VPS13D: variants seen among roughly 807,000 people sequenced by gnomAD.
VPS13D encodes the protein vacuolar protein sorting 13 homolog D.
Under a neutral mutation model 461.9 loss-of-function variants are expected in VPS13D, and 187 were observed. The ratio of observed to expected loss-of-function variants is 0.40; its 90% confidence interval spans 0.36 to 0.46. VPS13D has a LOEUF of 0.46. Among genes scored for constraint, VPS13D ranks in the 20% least tolerant of loss-of-function variants. The pLI, the probability that VPS13D is intolerant of heterozygous loss-of-function variation, is 0.60. For missense variants in VPS13D, 4,711 were observed against 5,364.9 expected, an observed-to-expected ratio of 0.88 and a Z score of 3.81; for synonymous variants, 1,951 against 1,986.3, an observed-to-expected ratio of 0.98 and a Z score of 0.47.
intron 67 of VPS13D, chr1:12,464,973 C>T (rs1645462951): frequency 6.6e-6 from 1 of 152,206 alleles, no homozygotes. Flanking sequence ...GCCACTGAAG[C>T]TATGTGAAGA....
intron 62 of VPS13D, among the ~76,000 whole-genome samples, chr1:12,402,182 C>T (rs184550111): frequency 6.6e-6 from 1 of 152,256 alleles, no homozygotes; most frequent in Admixed American, 6.5e-5. Flanking sequence ...ACATCCAAAC[C>T]CTTGTGCCTT....
At chr1:12,406,007 C>T (rs367621305) in intron 63 of VPS13D, among the ~76,000 whole-genome samples, 5 of 152,066 alleles carry the variant, frequency 3.3e-5, no homozygotes, top group East Asian at 1.9e-4. Flanking sequence ...ATACAATCAA[C>T]GAAATCATTT....
At chr1:12,480,824 A>C (rs766541136) in intron 67 of VPS13D, among the ~76,000 whole-genome samples, 18 of 152,226 alleles carry the variant, frequency 1.2e-4, no homozygotes, top group Non-Finnish European at 2.6e-4. Context: ...CCAGTGCTTT[A>C]TGTAACATGC....
At chr1:12,370,931 A>G (rs989518397) in intron 54 of VPS13D, among the ~76,000 whole-genome samples, 6 of 152,248 alleles carry the variant, frequency 3.9e-5, no homozygotes, top group Non-Finnish European at 7.3e-5. Flanking sequence ...AGAATCTAAC[A>G]GCAGAATTAG....
intron 67 of VPS13D, among the ~76,000 whole-genome samples, chr1:12,462,776 C>G (rs1023026280): frequency 2.0e-5 from 3 of 152,220 alleles, no homozygotes; most frequent in Admixed American, 6.5e-5. Flanking sequence ...TGACATGATT[C>G]AGGTCTTGAC....
In VPS13D at chr1:12,240,628, A is replaced by T. The variant is rs80027779; in HGVS notation, c.98-1885A>T. On this transcript the variant is annotated intron_variant, in intron 2 of 69. Coordinates refer to ENST00000620676, the MANE Select transcript of VPS13D (RefSeq NM_015378.4). The stretch of plus-strand genomic sequence containing the variant: ...AAAAAAAAAAAAAAAAGGCAGTTCG[A>T]AGCATAAATCATGCTCTTCAAAAGA... 2.0e-3 allele frequency among the ~76,000 whole-genome samples: 301 copies of T among 150,604 alleles called. 3 individuals are homozygous for T. Among genetic ancestry groups the T allele is most frequent in the African/African-American group, 7.1e-3 (292 of 40,962 alleles).
intron 67 of VPS13D, among the ~76,000 whole-genome samples, chr1:12,478,007 T>C (rs991767862): frequency 1.3e-5 from 2 of 152,200 alleles, no homozygotes; most frequent in African/African-American, 4.8e-5. Context: ...AGCTGTTTTA[T>C]GGAAGGTTCG....
chr1:12,291,097 A>G lies in VPS13D; in HGVS notation c.5825A>G (p.Glu1942Gly). ...AGAGAACGGTTCACTACCAGTGGTG[A>G]AGAAGCACTCATCTTCCAGACTTTT... Reference protein sequence around the residue: ...FYRERFTTSGEEALIFQTFKY... With the variant: ...FYRERFTTSGGEALIFQTFKY... The change falls in exon 23 of 70, where the codon GAA becomes GGA. Residue 1942 changes from glutamate (E) to glycine (G), a missense_variant. By Grantham distance (98) the Glu-to-Gly change is moderately conservative. Transcript: ENST00000620676. The G allele has an allele frequency of 6.2e-7, 1 of 1,613,424 alleles. No individual in the cohort carries two copies. The highest frequency in any genetic ancestry group is 8.5e-7 in the Non-Finnish European group (1 of 1,179,812).
intron 65 of VPS13D, among the ~76,000 whole-genome samples, chr1:12,449,488 A>G (rs1330043582): frequency 6.6e-6 from 1 of 151,994 alleles, no homozygotes; most frequent in Non-Finnish European, 1.5e-5. Flanking sequence ...TTTTATCAAC[A>G]ATAGATATTC....
intron 65 of VPS13D, among the ~76,000 whole-genome samples, chr1:12,419,387 C>T (rs536163581): frequency 2.1e-4 from 32 of 152,216 alleles, no homozygotes; most frequent in African/African-American, 7.2e-4. Flanking sequence ...GTGTATTAGT[C>T]CATTCTTGCT....
Position 12,311,529 on chromosome 1 carries a change from T to C in VPS13D, c.6726T>C (p.Tyr2242=). 1 of 1,614,196 alleles carries C rather than the reference T, an allele frequency of 6.2e-7. No individual in the cohort carries two copies. Among genetic ancestry groups the C allele is most frequent in the Non-Finnish European group, 8.5e-7 (1 of 1,180,026 alleles). Residue 2242 remains tyrosine, a synonymous_variant, in exon 28 of 70, where the codon TAT becomes TAC. Transcript: ENST00000620676. ...CAGTCCACTGCTCTCTGGATCTGTA[T>C]AAATACAAGCTGATCCGCGGCTTAT... ...LSSVHCSLDL[Y]KYKLIRGLLE...
Position 12,354,105 on chromosome 1 carries a change from A to C in VPS13D, c.9563A>C (p.Asn3188Thr). 6.2e-7 allele frequency: 1 copy of C among 1,614,202 alleles called. No homozygotes were observed. Among genetic ancestry groups the C allele is most frequent in the Non-Finnish European group, 8.5e-7 (1 of 1,180,040 alleles). The change falls in exon 47 of 70, where the codon AAC becomes ACC. Residue 3188 changes from asparagine (N) to threonine (T), a missense_variant. This residue lies in a region of VPS13D where 4,411 missense variants were observed against 4,937.8 expected (regional missense o/e 0.89). Coordinates refer to ENST00000620676, the MANE Select transcript of VPS13D (RefSeq NM_015378.4). ...IYLLPTVVIC[N>T]LLPCELDFYV... ...CTCCTGCCAACTGTGGTAATCTGCA[A>C]CTTGCTACCCTGTGAACTTGATTTT... is the stretch of plus-strand genomic sequence containing the variant.
intron 37 of VPS13D, among the ~76,000 whole-genome samples, chr1:12,330,276 A>G (rs1028191822): frequency 1.3e-5 from 2 of 151,926 alleles, no homozygotes; most frequent in African/African-American, 2.4e-5. Flanking sequence ...CTAGCTGGGC[A>G]TGGTGGTGGG....
chr1:12,341,849 C>G lies in VPS13D; in HGVS notation c.8696C>G (p.Thr2899Ser). Reference protein sequence around the residue: ...PFALRNHTGCTLWFATLTTTP... With the variant: ...PFALRNHTGCSLWFATLTTTP... Reference sequence around the variant, plus strand: ...GCTCTGAGGAACCACACGGGGTGCACTTTGTGGTTTGCCACCCTGACCACC... The same window carrying G: ...GCTCTGAGGAACCACACGGGGTGCAGTTTGTGGTTTGCCACCCTGACCACC... Residue 2899 changes from threonine to serine, a missense_variant, in exon 41 of 70, where the codon ACT becomes AGT. Physicochemically the swap from Thr to Ser is moderately conservative, Grantham distance 58. Around this residue, in one of 3 missense-constraint regions of VPS13D, gnomAD observed 4,411 missense variants for 4,937.8 expected, o/e 0.89. Transcript: ENST00000620676. The G allele has an allele frequency of 1.2e-6, 2 of 1,614,064 alleles. No individual in the cohort carries two copies. The highest frequency in any genetic ancestry group is 1.7e-6 in the Non-Finnish European group (2 of 1,179,992).
At position 12,244,732 on chromosome 1, in the gene VPS13D, A is replaced by G. The variant is rs184170548; in HGVS notation, c.447+115A>G. 4.3e-5 allele frequency: 42 copies of G among 983,088 alleles called. No individual in the cohort carries two copies. The East Asian group carries it at 1.0e-3, about 24-fold the overall frequency. 60.9% of individuals were successfully genotyped at this position (983,088 alleles called of 1,614,324 possible). On this transcript the variant is annotated intron_variant, in intron 5 of 69. Transcript: ENST00000620676. ...TGGGCTCAGCTGATCTAGGGTGTAG[A>G]TGGGGCTGGCTGCTCAGGTCTGCCC...
chr1:12,303,775 G>T (rs995415188), intron 25 of VPS13D, among the ~76,000 whole-genome samples: 1 of 152,200 alleles, frequency 6.6e-6, no homozygotes, highest in Non-Finnish European at 1.5e-5. Context: ...CAGACATGTA[G>T]CTCCGAGGCC....
Position 12,243,952 on chromosome 1 carries a change from A to T in VPS13D, c.176-294A>T, listed in dbSNP as rs61150386. ...AAGAAAGACACCCTGAGCAAGTGTA[A>T]GATGTACTCCAGTTGGAAAAGGAGA... On this transcript the variant is annotated intron_variant, in intron 3 of 69. Transcript: ENST00000620676. Among the ~76,000 whole-genome samples, 1,782 of 152,298 alleles carry T rather than the reference A, an allele frequency of 0.012. 69 individuals are homozygous for T. The East Asian group carries it at 0.15, about 13-fold the overall frequency.
At chr1:12,388,302 A>G (rs1013784240) in intron 60 of VPS13D, among the ~76,000 whole-genome samples, 1 of 152,150 alleles carries the variant, frequency 6.6e-6, no homozygotes, top group Admixed American at 6.5e-5. Flanking sequence ...AGGCCAGGTG[A>G]GGTGGCTCAC....
intron 6 of VPS13D, 173 bp downstream of exon 6, chr1:12,249,512 G>A: frequency 2.1e-6 from 1 of 484,526 alleles, no homozygotes; most frequent in Non-Finnish European, 3.6e-6. Flanking sequence ...GCTGAAATAG[G>A]GAAACAGGTA....
Sources: allele counts gnomAD v4.1 joint callset (sites outside exome capture counted in the v4.1 genomes callset), GRCh38; gene constraint gnomAD v4.1.1; regional missense constraint gnomAD v4.1.1; transcripts MANE v1.5; gene names NCBI Gene and HGNC (gene_info 2026-07-23, HGNC 2026-07-21).